DGKB: variants seen among roughly 807,000 people sequenced by gnomAD.
The protein encoded by DGKB is diacylglycerol kinase beta.
DGKB carries 67 observed loss-of-function variants against 114.3 expected under a neutral mutation model. The observed-to-expected ratio is 0.59, with a 90% confidence interval of 0.48 to 0.72. The LOEUF (loss-of-function observed/expected upper bound fraction) is 0.72, where lower values mean the gene tolerates loss of function less well. Among genes scored for constraint, DGKB ranks in the 30% least tolerant of loss-of-function variants. The pLI is 0.00. For missense variants in DGKB, 907 were observed against 975.2 expected, an observed-to-expected ratio of 0.93 and a Z score of 0.93; for synonymous variants, 398 against 323.1, an observed-to-expected ratio of 1.23 and a Z score of -2.49.
At chr7:14,481,695 G>A (rs1364658567) in intron 20 of DGKB, among the ~76,000 whole-genome samples, 3 of 151,826 alleles carry the variant, frequency 2.0e-5, no homozygotes, top group Non-Finnish European at 1.5e-5. Flanking sequence ...TACTATATGG[G>A]TTTTTATTGT....
intron 21 of DGKB, among the ~76,000 whole-genome samples, chr7:14,352,881 C>A (rs558723481): frequency 4.9e-4 from 74 of 152,200 alleles, no homozygotes; most frequent in African/African-American, 1.7e-3. Context: ...TGAGATCGTG[C>A]CATTGCACTT....
At chr7:14,863,785 G>T (rs1851317040) in intron 1 of DGKB, among the ~76,000 whole-genome samples, 1 of 151,790 alleles carries the variant, frequency 6.6e-6, no homozygotes, top group South Asian at 2.1e-4. Flanking sequence ...GGCAGTATAT[G>T]TTAAATTAAA....
chr7:14,563,961 T>C (rs1231670429), intron 20 of DGKB, among the ~76,000 whole-genome samples: 1 of 152,180 alleles, frequency 6.6e-6, no homozygotes, highest in East Asian at 1.9e-4. Flanking sequence ...AAGCCACCAT[T>C]TCTGTTCTCC....
intron 1 of DGKB, among the ~76,000 whole-genome samples, chr7:14,938,548 T>A (rs530675126): frequency 6.6e-6 from 1 of 152,160 alleles, no homozygotes; most frequent in African/African-American, 2.4e-5. Flanking sequence ...GGGACCACAT[T>A]TTATCAAGAA....
intron 21 of DGKB, among the ~76,000 whole-genome samples, chr7:14,346,585 T>C (rs1427696243): frequency 2.0e-5 from 3 of 151,950 alleles, no homozygotes; most frequent in Non-Finnish European, 4.4e-5. Context: ...CAGAGAATAT[T>C]TGACTTAGTT....
chr7:14,356,611 C>T (rs1337879244), intron 21 of DGKB, among the ~76,000 whole-genome samples: 2 of 152,044 alleles, frequency 1.3e-5, no homozygotes, highest in Non-Finnish European at 2.9e-5. Flanking sequence ...CAGCCCACCT[C>T]AGCCTCCCAA....
intron 23 of DGKB, among the ~76,000 whole-genome samples, chr7:14,270,782 G>C (rs1175040244): frequency 6.6e-6 from 1 of 152,124 alleles, no homozygotes; most frequent in Non-Finnish European, 1.5e-5. Context: ...TGGAATTTGC[G>C]GGTCTTGAAA....
chr7:14,309,821 G>A (rs1434995503), intron 23 of DGKB, among the ~76,000 whole-genome samples: 1 of 152,174 alleles, frequency 6.6e-6, no homozygotes, highest in Non-Finnish European at 1.5e-5. Context: ...GAGAGAAGAA[G>A]GGCTATCATT....
At chr7:14,242,530 C>G (rs1192114189) in intron 23 of DGKB, among the ~76,000 whole-genome samples, 1 of 152,100 alleles carries the variant, frequency 6.6e-6, no homozygotes, top group East Asian at 1.9e-4. Flanking sequence ...GAATCTAGGT[C>G]AGAATTCATT....
chr7:14,288,877 C>G (rs1801301369), intron 23 of DGKB, among the ~76,000 whole-genome samples: 2 of 152,122 alleles, frequency 1.3e-5, no homozygotes, highest in Non-Finnish European at 2.9e-5. Flanking sequence ...AAGAACAGCC[C>G]ACACCCATAT....
chr7:14,402,762 T>C (rs1823339761), intron 21 of DGKB, among the ~76,000 whole-genome samples: 1 of 151,928 alleles, frequency 6.6e-6, no homozygotes, highest in South Asian at 2.1e-4. Context: ...TTTATAGATA[T>C]GATTAACATG....
chr7:14,572,181 C>T (rs1584895125), intron 20 of DGKB, among the ~76,000 whole-genome samples: 1 of 151,722 alleles, frequency 6.6e-6, no homozygotes, highest in African/African-American at 2.4e-5. Flanking sequence ...AGGCCGGGCG[C>T]GGTAGCTCAT....
intron 2 of DGKB, among the ~76,000 whole-genome samples, chr7:14,785,732 A>C (rs1839793159): frequency 6.6e-6 from 1 of 152,182 alleles, no homozygotes; most frequent in East Asian, 1.9e-4. Flanking sequence ...ATAACCTTGA[A>C]ATACACAGCC....
Position 14,478,245 on chromosome 7 carries a change from A to G in DGKB, c.1771-20T>C, listed in dbSNP as rs1253551759. The G allele has an allele frequency of 1.3e-6, 2 of 1,498,322 alleles. No homozygotes were observed. The highest frequency in any genetic ancestry group is 1.8e-6 in the Non-Finnish European group (2 of 1,096,210). 92.8% of individuals were successfully genotyped at this position (1,498,322 alleles called of 1,614,324 possible). ...GGCATCCTAAGGGGAGAAAATAGAA[A>G]ACAAAAACAGGATGGTTTATGATCC... On this transcript the variant is annotated intron_variant, in intron 20 of 25. Coordinates refer to ENST00000402815, the MANE Select transcript of DGKB (RefSeq NM_001350709.2).
intron 2 of DGKB, among the ~76,000 whole-genome samples, chr7:14,769,110 A>AAAGAAAGG (rs1215331361): frequency 1.5e-5 from 2 of 130,420 alleles, no homozygotes; most frequent in Non-Finnish European, 3.2e-5. Flanking sequence ...AGAAAGAAAG[A>AAAGAAAGG]AAGAAAGAAA....
At chr7:14,153,435 C>G (rs1355490173) in intron 25 of DGKB, among the ~76,000 whole-genome samples, 2 of 151,972 alleles carry the variant, frequency 1.3e-5, no homozygotes, top group African/African-American at 4.8e-5. Flanking sequence ...TTTTGGCCTC[C>G]TAACAACTCT....
chr7:14,281,291 A>T (rs193145343), intron 23 of DGKB, among the ~76,000 whole-genome samples: 1 of 151,224 alleles, frequency 6.6e-6, no homozygotes, highest in African/African-American at 2.4e-5. Context: ...TAAAGGGATC[A>T]ATTCAACAAG....
At chr7:14,777,676 C>T (rs888453181) in intron 2 of DGKB, among the ~76,000 whole-genome samples, 6 of 152,162 alleles carry the variant, frequency 3.9e-5, no homozygotes, top group Non-Finnish European at 5.9e-5. Flanking sequence ...TCCATTAAAT[C>T]TCTTTCCTTT....
At chr7:14,242,259 G>T (rs1257357840) in intron 23 of DGKB, among the ~76,000 whole-genome samples, 1 of 152,074 alleles carries the variant, frequency 6.6e-6, no homozygotes, top group Non-Finnish European at 1.5e-5. Context: ...ACTGGAGCAG[G>T]GTGTATGCGA....
Sources: gnomAD v4.1 joint callset for allele counts (sites outside exome capture counted in the v4.1 genomes callset) on GRCh38, gnomAD v4.1.1 for gene constraint, MANE v1.5 for transcripts, NCBI Gene and HGNC (gene_info 2026-07-23, HGNC 2026-07-21) for gene names.